STK32B: variants seen among roughly 807,000 people sequenced by gnomAD.
STK32B encodes serine/threonine-protein kinase 32B.
STK32B carries 43 observed loss-of-function variants against 52.6 expected under a neutral mutation model. That is an observed-to-expected ratio of 0.82 (90% CI 0.64 to 1.05). The LOEUF is 1.05. Ranked by LOEUF, STK32B falls within the 50% of genes least tolerant of loss-of-function variation. The pLI is 0.00. For synonymous variants in STK32B, 238 were observed against 204.3 expected, an observed-to-expected ratio of 1.17 and a Z score of -1.41; for missense variants, 621 against 534.6, an observed-to-expected ratio of 1.16 and a Z score of -1.59.
intron 3 of STK32B, among the ~76,000 whole-genome samples, chr4:5,201,158 T>C (rs1389683288): frequency 1.3e-5 from 2 of 152,088 alleles, no homozygotes; most frequent in African/African-American, 4.8e-5. Flanking sequence ...GAGATGTGAG[T>C]GAATGAGAAG....
intron 6 of STK32B, among the ~76,000 whole-genome samples, chr4:5,439,818 A>C (rs1267618322): frequency 6.6e-6 from 1 of 151,704 alleles, no homozygotes; most frequent in Non-Finnish European, 1.5e-5. Flanking sequence ...AGCTTTCTCC[A>C]TATGGCTAGC....
At chr4:5,494,218 A>T (rs7682343) in intron 11 of STK32B, among the ~76,000 whole-genome samples, 5 of 151,994 alleles carry the variant, frequency 3.3e-5, no homozygotes, top group Non-Finnish European at 7.4e-5. Flanking sequence ...GAGTCTAAGT[A>T]TCTTTGTGGG....
At chr4:5,172,742 T>C (rs1212003743) in intron 3 of STK32B, among the ~76,000 whole-genome samples, 1 of 152,212 alleles carries the variant, frequency 6.6e-6, no homozygotes, top group Non-Finnish European at 1.5e-5. Context: ...TGCATCAAGG[T>C]TCATCAAGGA....
upstream of STK32B, among the ~76,000 whole-genome samples, chr4:5,047,405 A>G (rs1378979009): frequency 1.3e-5 from 2 of 152,172 alleles, no homozygotes; most frequent in Non-Finnish European, 2.9e-5. Flanking sequence ...ACCACGGCAC[A>G]TGTCTACTTA....
chr4:5,171,770 A>C (rs375302385), intron 3 of STK32B, among the ~76,000 whole-genome samples: 3 of 148,828 alleles, frequency 2.0e-5, no homozygotes, highest in East Asian at 4.0e-4. Flanking sequence ...CTTTTGGCTT[A>C]GGATTGACTT....
the STK32B span, among the ~76,000 whole-genome samples, chr4:5,027,876 C>G: frequency 6.6e-6 from 1 of 152,144 alleles, no homozygotes. Context: ...AGGAGGTACA[C>G]AAGCAGAGCT....
chr4:5,349,188 G>A (rs542471490), intron 4 of STK32B, among the ~76,000 whole-genome samples: 125 of 152,170 alleles, frequency 8.2e-4, no homozygotes, highest in Non-Finnish European at 1.6e-3. Context: ...GGCCTGCCTG[G>A]AACAAATAAA....
intron 1 of STK32B, among the ~76,000 whole-genome samples, chr4:5,105,783 T>C (rs1355624007): frequency 1.3e-5 from 2 of 151,858 alleles, no homozygotes; most frequent in Admixed American, 6.6e-5. Flanking sequence ...CAGGATGGTC[T>C]CGATCTCCTG....
upstream of STK32B, among the ~76,000 whole-genome samples, chr4:5,046,662 TA>T (rs928703895): frequency 6.6e-6 from 1 of 151,606 alleles, no homozygotes. Flanking sequence ...AACAACCACA[TA>T]AAAACTGGGC....
intron 11 of STK32B, among the ~76,000 whole-genome samples, chr4:5,488,940 T>C (rs1358551519): frequency 6.6e-6 from 1 of 152,078 alleles, no homozygotes; most frequent in Admixed American, 6.6e-5. Context: ...TATTAAAAAC[T>C]TCATATTTTT....
chr4:5,218,597 T>C (rs1723328670), intron 3 of STK32B, among the ~76,000 whole-genome samples: 1 of 152,182 alleles, frequency 6.6e-6, no homozygotes, highest in Admixed American at 6.5e-5. Context: ...ATTCCAGACA[T>C]GCTGGCCTCC....
rs1221903626 is a variant in STK32B, at chr4:5,469,663, A to G, written c.1106+1593A>G. On this transcript the variant is annotated intron_variant, in intron 11 of 11. Coordinates refer to ENST00000282908, the MANE Select transcript of STK32B (RefSeq NM_018401.3). This position sits in a 1 kb window ranked among gnomAD's most constrained non-coding sequence, Gnocchi z 4.7. ...TGAGTGGCTATAGCTCTGAGGGCCA[A>G]TGGGTGCCCAGATCAGCACAGACAC... 1.3e-5 allele frequency among the ~76,000 whole-genome samples: 2 copies of G among 152,154 alleles called. No individual in the cohort carries two copies. Among genetic ancestry groups the G allele is most frequent in the African/African-American group, 2.4e-5 (1 of 41,446 alleles).
intron 3 of STK32B, among the ~76,000 whole-genome samples, chr4:5,170,440 C>T (rs985606896): frequency 6.6e-6 from 1 of 152,130 alleles, no homozygotes; most frequent in Non-Finnish European, 1.5e-5. Context: ...GGTATATCTC[C>T]TAATGCTATC....
intron 4 of STK32B, among the ~76,000 whole-genome samples, chr4:5,354,943 G>A (rs559236422): frequency 1.4e-4 from 22 of 152,282 alleles, no homozygotes; most frequent in African/African-American, 4.8e-4. Context: ...CGCTGTAGCT[G>A]GCTTTGATGA....
chr4:5,317,624 C>G (rs192685848), intron 3 of STK32B, among the ~76,000 whole-genome samples: 3 of 142,314 alleles, frequency 2.1e-5, no homozygotes, highest in African/African-American at 8.3e-5. Context: ...AGTGAACACT[C>G]ATGCCCTGGA....
At chr4:5,424,179 G>A (rs1231844287) in intron 6 of STK32B, among the ~76,000 whole-genome samples, 2 of 152,148 alleles carry the variant, frequency 1.3e-5, no homozygotes, top group Non-Finnish European at 2.9e-5. Context: ...GCCCCCTTTG[G>A]ACATTGGGCA....
chr4:5,448,477 C>T (rs1315374556), intron 7 of STK32B, among the ~76,000 whole-genome samples: 4 of 152,340 alleles, frequency 2.6e-5, no homozygotes, highest in Admixed American at 6.5e-5. Flanking sequence ...ATGACCTTGG[C>T]GAGCATTTGC....
chr4:5,462,531 A>T (rs1717116723), intron 9 of STK32B, among the ~76,000 whole-genome samples: 1 of 152,154 alleles, frequency 6.6e-6, no homozygotes, highest in Non-Finnish European at 1.5e-5. Flanking sequence ...CCAATGAGAA[A>T]GTGAAAAGCA....
chr4:5,054,349 T>G (rs1302270788), intron 1 of STK32B, among the ~76,000 whole-genome samples: 1 of 150,622 alleles, frequency 6.6e-6, no homozygotes, highest in South Asian at 2.1e-4. Context: ...TAACTCAGAG[T>G]GGGGGGAGGG....
Sources: allele counts gnomAD v4.1 joint callset (sites outside exome capture counted in the v4.1 genomes callset), GRCh38; gene constraint gnomAD v4.1.1; non-coding constraint Gnocchi (gnomAD v3.1); transcripts MANE v1.5; gene names NCBI Gene and HGNC (gene_info 2026-07-23, HGNC 2026-07-21).